Variants in TNRC18 observed in about 807,000 individuals in gnomAD.
TNRC18 encodes the protein trinucleotide repeat-containing gene 18 protein.
Under a neutral mutation model 226.7 loss-of-function variants are expected in TNRC18, and 69 were observed. The ratio of observed to expected loss-of-function variants is 0.30; its 90% CI spans 0.25 to 0.37. The LOEUF (loss-of-function observed/expected upper bound fraction) is 0.37. Ranked by LOEUF, TNRC18 falls within the 10% of genes least tolerant of loss-of-function variation. The pLI, the probability that TNRC18 is intolerant of heterozygous loss-of-function variation, is 1.00. For synonymous variants in TNRC18, 2,449 were observed against 1,927.6 expected (o/e 1.27, Z -7.09); for missense variants, 4,754 against 4,256.6 (o/e 1.12, Z -3.25).
At chr7:5,368,952 C>A (rs964363744) in intron 11 of TNRC18, among the ~76,000 whole-genome samples, 1 of 152,044 alleles carries the variant, frequency 6.6e-6, no homozygotes, top group Non-Finnish European at 1.5e-5. Context: ...TGAGAACTAC[C>A]CTCCCCCTTC....
intron 11 of TNRC18, among the ~76,000 whole-genome samples, chr7:5,364,633 C>A (rs887325599): frequency 4.0e-5 from 6 of 151,718 alleles, no homozygotes; most frequent in African/African-American, 1.5e-4. Flanking sequence ...GTAAAACCCC[C>A]TCTCTACTAA....
intron 2 of TNRC18, among the ~76,000 whole-genome samples, chr7:5,414,389 T>C (rs913621430): frequency 3.3e-5 from 5 of 151,708 alleles, no homozygotes; most frequent in Non-Finnish European, 7.4e-5. Context: ...CTATGTCCCT[T>C]GCCCGTAAAC....
intron 19 of TNRC18, chr7:5,325,622 T>C (rs1490872648): frequency 1.1e-4 from 25 of 222,160 alleles, no homozygotes; most frequent in African/African-American, 4.8e-4. Context: ...GACGGGGTTT[T>C]ACCGTGTTTG....
rs1219048087 is a variant in TNRC18, at chr7:5,324,469, A to T, written c.6301-114T>A. On this transcript the variant is annotated intron_variant, in intron 20 of 29. Coordinates refer to ENST00000430969, the MANE Select transcript of TNRC18 (RefSeq NM_001080495.3). This position sits in a 1 kb window ranked among gnomAD's most constrained non-coding sequence, Gnocchi z 4.8. ...AGTCAGGCCGCAGGGGGAATCTGTC[A>T]TGTGCATGGCAGGGATCCCAGTTAG... 7.0e-7 allele frequency: 1 copy of T among 1,422,000 alleles called. No individual in the cohort carries two copies. The highest frequency in any genetic ancestry group is 1.4e-5 in the African/African-American group (1 of 70,946). 88.1% of individuals were successfully genotyped at this position (1,422,000 alleles called of 1,614,324 possible). A position where few individuals can be genotyped will look rare whatever the true frequency, so the allele number is the denominator to read the frequency against.
In TNRC18 at chr7:5,377,091, C is replaced by G; in HGVS notation, c.2462-98G>C. The stretch of plus-strand genomic sequence containing the variant: ...CAGCACCACCTCCCAAGTCCTGAAC[C>G]TCCTGGGGCCTCCAGTGGGGAAGCC... On this transcript the variant is annotated intron_variant, in intron 7 of 29. Coordinates refer to ENST00000430969, the MANE Select transcript of TNRC18 (RefSeq NM_001080495.3). The surrounding 1 kb of genome is among the most constrained non-coding windows in gnomAD (Gnocchi z 5.8). 1 of 1,474,680 alleles carries G rather than the reference C, an allele frequency of 6.8e-7. No individual in the cohort carries two copies. The allele number at this position is 1,474,680 out of a possible 1,614,324, so 91.3% of individuals were successfully genotyped here. A position where few individuals can be genotyped will look rare whatever the true frequency, so the allele number is the denominator to read the frequency against.
intron 11 of TNRC18, among the ~76,000 whole-genome samples, chr7:5,365,863 A>T (rs1793565126): frequency 6.6e-6 from 1 of 152,048 alleles, no homozygotes; most frequent in Admixed American, 6.6e-5. Context: ...TGAGGTCAGG[A>T]GTTCGAGACC....
At chr7:5,396,103 G>A (rs536905708) in intron 2 of TNRC18, among the ~76,000 whole-genome samples, 77 of 150,746 alleles carry the variant, frequency 5.1e-4, no homozygotes, top group Middle Eastern at 3.5e-3. Context: ...GCCCGGAGGC[G>A]GAGGTTGCAG....
chr7:5,391,613 G>C (rs1400792293), intron 3 of TNRC18, among the ~76,000 whole-genome samples: 1 of 151,672 alleles, frequency 6.6e-6, no homozygotes, highest in African/African-American at 2.4e-5. Context: ...ATCCGGCTCA[G>C]AATTTTTTAA....
chr7:5,419,982 A>T, intron 2 of TNRC18: 1 of 152,076 alleles, frequency 6.6e-6, no homozygotes, highest in South Asian at 1.7e-4. Flanking sequence ...CAGGAGGTGG[A>T]TTTTTTTTTT....
chr7:5,323,561 CCAGA>C (rs1469318328), intron 21 of TNRC18, among the ~76,000 whole-genome samples: 58 of 87,086 alleles, frequency 6.7e-4, no homozygotes, highest in African/African-American at 2.5e-3. Context: ...CTGTGCAGCA[CCAGA>C]CAGTTTTTTT....
At position 5,377,375 on chromosome 7, in the gene TNRC18, G is replaced by C. The variant is rs1431181086; in HGVS notation, c.2457C>G (p.Pro819=). 5 of 1,573,698 alleles carry C rather than the reference G, an allele frequency of 3.2e-6. No individual in the cohort carries two copies. The highest frequency in any genetic ancestry group is 4.3e-6 in the Non-Finnish European group (5 of 1,160,272). ...GNASMWLAGH[P]YGLGPPSLHQ... ...GACCCTGTGCCCCACACTCACCGTA[G>C]GGGTGTCCAGCGAGCCACATGGATG... The change falls in exon 7 of 30, where the codon CCC becomes CCG. Residue 819 remains proline, a synonymous_variant. Transcript: ENST00000430969. The surrounding 1 kb of genome is among the most constrained non-coding windows in gnomAD (Gnocchi z 5.8).
At chr7:5,376,248 T>A (rs752083807) in intron 8 of TNRC18, 24 bp from the exon 9 acceptor site, 3 of 1,449,076 alleles carry the variant, frequency 2.1e-6, no homozygotes, top group Non-Finnish European at 1.8e-6. Context: ...GACAGTGCGC[T>A]GCACCTGCGG....
chr7:5,313,357 C>T lies in TNRC18; in HGVS notation c.7534G>A (p.Glu2512Lys), dbSNP rs1266500532. 2.0e-5 allele frequency: 32 copies of T among 1,565,018 alleles called. No individual in the cohort carries two copies. The highest frequency in any genetic ancestry group is 5.7e-5 in the Admixed American group (3 of 52,832). The change falls in exon 27 of 30, where the codon GAG (glutamate) becomes AAG (lysine). Residue 2512 changes from glutamate (E) to lysine (K), a missense_variant. Transcript: ENST00000430969. ...GSYPPAAGSS[E>K]PKAPWPKATD... ...GCCTTGGGCCAGGGTGCCTTGGGCT[C>T]GCTGCTGCCGGCCGCGGGGGGATAG...
At chr7:5,385,300 A>G (rs1051031883) in intron 5 of TNRC18, among the ~76,000 whole-genome samples, 2 of 152,100 alleles carry the variant, frequency 1.3e-5, no homozygotes, top group Admixed American at 6.5e-5. Flanking sequence ...CATCCTGGCT[A>G]ACAAGGTGAA....
In TNRC18 at chr7:5,377,316, G is replaced by GCCCCCCCCCC; in HGVS notation, c.2461+54_2461+55insGGGGGGGGGG. ...AGCCCTGAGCTCTTGTCCTGCACCC[G>GCCCCCCCCCC]CCCCCTCCCACCCCTCCCTCAGAGA... On this transcript the variant is annotated intron_variant, in intron 7 of 29. Coordinates refer to ENST00000430969, the MANE Select transcript of TNRC18 (RefSeq NM_001080495.3). The surrounding 1 kb of genome is among the most constrained non-coding windows in gnomAD (Gnocchi z 5.8). The GCCCCCCCCCC allele has an allele frequency of 1.1e-5, 5 of 453,410 alleles. No individual in the cohort carries two copies. Among genetic ancestry groups the GCCCCCCCCCC allele is most frequent in the Non-Finnish European group, 2.1e-5 (5 of 240,310 alleles). The allele number at this position is 453,410 out of a possible 1,614,324, so 28.1% of individuals were successfully genotyped here.
chr7:5,357,473 G>A (rs557472131), intron 15 of TNRC18, among the ~76,000 whole-genome samples, 197 bp from the exon 16 acceptor site: 18 of 151,908 alleles, frequency 1.2e-4, no homozygotes, highest in Non-Finnish European at 8.8e-5. Context: ...GTTCAGTGGC[G>A]CGATCTCGGC....
chr7:5,316,155 G>A (rs1241173276), intron 24 of TNRC18, 83 bp from the exon 25 acceptor site: 19 of 1,030,368 alleles, frequency 1.8e-5, no homozygotes, highest in African/African-American at 1.1e-4. Flanking sequence ...GGCAGAAACC[G>A]GCCCCTGTGC....
In TNRC18 at chr7:5,332,787, C is replaced by G. The variant is rs754444865; in HGVS notation, c.5982G>C (p.Trp1994Cys). The G allele has an allele frequency of 6.6e-7, 1 of 1,514,208 alleles. No individual in the cohort carries two copies. 93.8% of individuals were successfully genotyped at this position (1,514,208 alleles called of 1,614,324 possible). Reference protein sequence around the residue: ...AGPEASDDDLWTRRRSERIFL... With the variant: ...AGPEASDDDLCTRRRSERIFL... ...AGATGCGCTCGCTGCGGCGCCGCGT[C>G]CACAGGTCGTCGTCGCTGGCCTCGG... Residue 1994 changes from tryptophan (W) to cysteine (C), a missense_variant, in exon 19 of 30, where the codon TGG becomes TGC. By Grantham distance (215) the Trp-to-Cys change is radical. Coordinates refer to ENST00000430969, the MANE Select transcript of TNRC18 (RefSeq NM_001080495.3).
intron 17 of TNRC18, among the ~76,000 whole-genome samples, chr7:5,350,429 A>G (rs1409513005): frequency 1.6e-5 from 1 of 61,744 alleles, no homozygotes; most frequent in African/African-American, 6.6e-5. Context: ...CTGGAAAAAC[A>G]GGGCGGGCGG....
Sources: allele counts gnomAD v4.1 joint callset (sites outside exome capture counted in the v4.1 genomes callset), GRCh38; gene constraint gnomAD v4.1.1; non-coding constraint Gnocchi (gnomAD v3.1); transcripts MANE v1.5; gene names NCBI Gene and HGNC (gene_info 2026-07-23, HGNC 2026-07-21).